Variants in MACROD2 observed in about 807,000 individuals in gnomAD.
The protein encoded by MACROD2 is ADP-ribose glycohydrolase MACROD2.
A neutral mutation model predicts 70.4 loss-of-function variants in MACROD2; 36 were observed. That is an observed-to-expected ratio of 0.51 (90% confidence interval 0.39 to 0.68). The LOEUF (loss-of-function observed/expected upper bound fraction) is 0.68. Ranked by LOEUF, MACROD2 falls within the 30% of genes least tolerant of loss-of-function variation. The pLI is 0.00. For synonymous variants in MACROD2, 172 were observed against 178.8 expected (o/e 0.96, Z 0.30); for missense variants, 496 against 538.4 (o/e 0.92, Z 0.78).
At chr20:15,712,925 A>G (rs544456304) in intron 8 of MACROD2, among the ~76,000 whole-genome samples, 1 of 152,348 alleles carries the variant, frequency 6.6e-6, no homozygotes, top group South Asian at 2.1e-4. Flanking sequence ...TCTGCATCTC[A>G]TATGCAGTGC....
At chr20:15,843,007 CAGT>C (rs1416727722) in intron 8 of MACROD2, among the ~76,000 whole-genome samples, 1 of 152,142 alleles carries the variant, frequency 6.6e-6, no homozygotes, top group Non-Finnish European at 1.5e-5. Flanking sequence ...AGACAGGAAA[CAGT>C]AGACTAGATT....
chr20:15,992,445 C>A (rs1201012993), intron 15 of MACROD2, among the ~76,000 whole-genome samples: 1 of 152,140 alleles, frequency 6.6e-6, no homozygotes, highest in African/African-American at 2.4e-5. Context: ...CGTAAGCTGT[C>A]TCTAGTTCTC....
At chr20:14,830,865 C>G (rs1330442145) in intron 5 of MACROD2, among the ~76,000 whole-genome samples, 2 of 152,148 alleles carry the variant, frequency 1.3e-5, no homozygotes, top group Non-Finnish European at 2.9e-5. Flanking sequence ...ACCAGCCTGT[C>G]TGTGCTTTGC....
At chr20:14,988,940 G>T (rs984637961) in intron 5 of MACROD2, among the ~76,000 whole-genome samples, 7 of 151,602 alleles carry the variant, frequency 4.6e-5, no homozygotes, top group East Asian at 1.9e-4. Flanking sequence ...CTTTCACATG[G>T]GGTATATAAA....
In MACROD2 at chr20:16,027,866, G is replaced by A. The variant is rs147055963; in HGVS notation, c.1154-13335G>A. On this transcript the variant is annotated intron_variant, in intron 15 of 17. Coordinates refer to ENST00000684519, the MANE Select transcript of MACROD2 (RefSeq NM_001351661.2). ...TCCTGCTGGAAAGACCCTGATCTGA[G>A]ATCAGCTCTGGCAGCCCCCAGCTGA... 5.6e-3 allele frequency among the ~76,000 whole-genome samples: 860 copies of A among 152,276 alleles called. 11 individuals carry two copies. Among genetic ancestry groups the A allele is most frequent in the African/African-American group, 0.019 (801 of 41,564 alleles).
rs140033952 is a variant in MACROD2, at chr20:14,970,373, G to C, written c.419-259567G>C. Among the ~76,000 whole-genome samples the C allele has an allele frequency of 3.0e-3, 453 of 152,064 alleles. 4 individuals are homozygous for C. Among genetic ancestry groups the C allele is most frequent in the African/African-American group, 9.5e-3 (394 of 41,482 alleles). On this transcript the variant is annotated intron_variant, in intron 5 of 17. Transcript: ENST00000684519. The stretch of plus-strand genomic sequence containing the variant: ...TAAAATAAATCAAAATTCATGTTAA[G>C]TCAAAATTAACCTCGTTTAAGTGTT...
intron 2 of MACROD2, among the ~76,000 whole-genome samples, chr20:14,068,475 A>AC (rs1191835216): frequency 6.6e-6 from 1 of 152,186 alleles, no homozygotes; most frequent in African/African-American, 2.4e-5. Context: ...TGATGATAAA[A>AC]CATACACAGA....
chr20:15,597,308 GT>G (rs2048759375), intron 8 of MACROD2, among the ~76,000 whole-genome samples: 1 of 152,212 alleles, frequency 6.6e-6, no homozygotes, highest in African/African-American at 2.4e-5. Flanking sequence ...CATGAAAAAT[GT>G]AAAAGATTAG....
intron 6 of MACROD2, among the ~76,000 whole-genome samples, chr20:15,403,917 A>T (rs917532591): frequency 2.6e-5 from 4 of 152,230 alleles, no homozygotes; most frequent in African/African-American, 9.6e-5. Context: ...TGTTAACTAT[A>T]ATGGTGCCTA....
In MACROD2 at chr20:15,638,889, G is replaced by A. The variant is rs80078466; in HGVS notation, c.645+139042G>A. On this transcript the variant is annotated intron_variant, in intron 8 of 17. Transcript: ENST00000684519. ...TATTTGGAAATTTTTGACTCCATCC[G>A]GAACAGAGTTGAAATATTCAGGTCC... Among the ~76,000 whole-genome samples the A allele has an allele frequency of 4.4e-3, 664 of 152,266 alleles. 9 individuals carry two copies. The highest frequency in any genetic ancestry group is 0.015 in the African/African-American group (626 of 41,542).
At chr20:15,788,879 TG>T (rs1024294369) in intron 8 of MACROD2, among the ~76,000 whole-genome samples, 1 of 152,196 alleles carries the variant, frequency 6.6e-6, no homozygotes, top group African/African-American at 2.4e-5. Flanking sequence ...TTACCAACAT[TG>T]TTTTTTTGTA....
chr20:15,898,549 T>TAAAAAAAA (rs10678216), intron 10 of MACROD2, among the ~76,000 whole-genome samples: 20 of 94,488 alleles, frequency 2.1e-4, no homozygotes, highest in Non-Finnish European at 3.1e-4. Context: ...AGACTCAGTC[T>TAAAAAAAA]AAAAAAAAAA....
At chr20:14,130,062 G>A (rs6074691) in intron 3 of MACROD2, among the ~76,000 whole-genome samples, 151,267 of 152,234 alleles carry the variant, frequency 0.99, 75,162 homozygotes, top group East Asian at 1. Flanking sequence ...CCCAACTGAG[G>A]AAGACAATGT....
chr20:15,125,561 G>A (rs1568587193), intron 5 of MACROD2, among the ~76,000 whole-genome samples: 2 of 152,068 alleles, frequency 1.3e-5, no homozygotes, highest in East Asian at 3.9e-4. Context: ...GAAAGTAGGG[G>A]TTATATTAGC....
intron 5 of MACROD2, among the ~76,000 whole-genome samples, chr20:14,781,494 C>T (rs1372315837): frequency 7.0e-6 from 1 of 143,406 alleles, no homozygotes; most frequent in Non-Finnish European, 1.5e-5. Context: ...GTGCTATGGA[C>T]CATATAACAC....
chr20:14,016,040 A>G (rs2052985710), intron 2 of MACROD2, among the ~76,000 whole-genome samples: 1 of 152,172 alleles, frequency 6.6e-6, no homozygotes. Context: ...TTTTGAGGAG[A>G]CACAAAACTT....
At chr20:14,771,425 T>C (rs1331044236) in intron 5 of MACROD2, among the ~76,000 whole-genome samples, 1 of 151,996 alleles carries the variant, frequency 6.6e-6, no homozygotes, top group East Asian at 1.9e-4. Flanking sequence ...AAGTAGGTAA[T>C]ATATTTTTAA....
intron 15 of MACROD2, among the ~76,000 whole-genome samples, chr20:16,022,211 C>T (rs1885945): frequency 0.15 from 22,173 of 151,950 alleles, 1,684 homozygotes; most frequent in African/African-American, 0.16. Flanking sequence ...CTACCATACC[C>T]GGCTAAGTTT....
At chr20:14,022,752 T>C (rs1401717409) in intron 2 of MACROD2, among the ~76,000 whole-genome samples, 1 of 152,218 alleles carries the variant, frequency 6.6e-6, no homozygotes, top group Non-Finnish European at 1.5e-5. Flanking sequence ...GCTTCATCCA[T>C]GTCCCGGCAA....
Sources: gnomAD v4.1 joint callset for allele counts (sites outside exome capture counted in the v4.1 genomes callset) on GRCh38, gnomAD v4.1.1 for gene constraint, MANE v1.5 for transcripts, NCBI Gene and HGNC (gene_info 2026-07-23, HGNC 2026-07-21) for gene names.